The following ROBO2 variants were observed in gnomAD, a reference collection of about 807,000 sequenced individuals.
ROBO2 encodes roundabout homolog 2.
A neutral mutation model predicts 160.8 loss-of-function variants in ROBO2; 53 were observed. The observed-to-expected ratio is 0.33, with a 90% confidence interval of 0.26 to 0.41. The LOEUF is 0.41. Among genes scored for constraint, ROBO2 ranks in the 10% least tolerant of loss-of-function variants. The pLI, the probability that ROBO2 is intolerant of heterozygous loss-of-function variation, is 1.00. For missense variants in ROBO2, 1,577 were observed against 1,722.4 expected (o/e 0.92, Z 1.49); for synonymous variants, 664 against 611.7 (o/e 1.09, Z -1.26).
chr3:77,204,718 T>C (rs1268178542), intron 2 of ROBO2, among the ~76,000 whole-genome samples: 1 of 152,232 alleles, frequency 6.6e-6, no homozygotes, highest in African/African-American at 2.4e-5. Flanking sequence ...AATTTAGTGT[T>C]TTCTCTCGAA....
intron 2 of ROBO2, among the ~76,000 whole-genome samples, chr3:76,876,771 C>G (rs773173054): frequency 8.6e-5 from 13 of 151,852 alleles, no homozygotes; most frequent in East Asian, 7.7e-4. Flanking sequence ...AATTAATGCA[C>G]AAGTGTTTAA....
At chr3:77,042,973 G>A (rs767735924) in intron 1 of ROBO2, among the ~76,000 whole-genome samples, 4 of 152,202 alleles carry the variant, frequency 2.6e-5, no homozygotes, top group African/African-American at 4.8e-5. Context: ...AGCATCTGCT[G>A]TGTCAAAAGC....
chr3:76,755,840 G>C (rs1252818847), intron 2 of ROBO2, among the ~76,000 whole-genome samples: 1 of 151,510 alleles, frequency 6.6e-6, no homozygotes, highest in Admixed American at 6.6e-5. Context: ...GCCTTAGTTG[G>C]GTCTGCAGTC....
At position 76,230,385 on chromosome 3, in the gene ROBO2, A is replaced by C. The variant is rs1253692152; in HGVS notation, c.109+292783A>C. Among the ~76,000 whole-genome samples the C allele has an allele frequency of 2.2e-4, 33 of 152,048 alleles. 1 individual carries two copies. Among genetic ancestry groups the C allele is most frequent in the Admixed American group, 2.2e-3 (33 of 15,252 alleles). Reference sequence around the variant, plus strand: ...GGTTACTACTACATTTGTCCTTCCAAAGGCTAGGGATTCTCCATTAATTGT... The same window carrying C: ...GGTTACTACTACATTTGTCCTTCCACAGGCTAGGGATTCTCCATTAATTGT... On this transcript the variant is annotated intron_variant, in intron 2 of 26. Coordinates refer to the ROBO2 transcript ENST00000487694.
chr3:77,326,789 G>C (rs1456158465), intron 2 of ROBO2, among the ~76,000 whole-genome samples: 1 of 152,278 alleles, frequency 6.6e-6, no homozygotes, highest in South Asian at 2.1e-4. Context: ...CTTCTTCAGG[G>C]ATAAGAACTA....
intron 2 of ROBO2, among the ~76,000 whole-genome samples, chr3:76,324,047 G>C (rs546476097): frequency 6.6e-6 from 1 of 152,222 alleles, no homozygotes; most frequent in South Asian, 2.1e-4. Context: ...TCAATACAAT[G>C]ATCTATCATT....
intron 11 of ROBO2, among the ~76,000 whole-genome samples, chr3:77,563,847 T>A (rs1424731682): frequency 6.6e-6 from 1 of 152,164 alleles, no homozygotes; most frequent in Non-Finnish European, 1.5e-5. Context: ...TTATTCCATG[T>A]GCTTCTAGTT....
chr3:76,423,231 A>G (rs1395755032), intron 2 of ROBO2, among the ~76,000 whole-genome samples: 1 of 152,232 alleles, frequency 6.6e-6, no homozygotes, highest in Non-Finnish European at 1.5e-5. Flanking sequence ...AACAGAAGAG[A>G]GAGCAGATAA....
chr3:76,243,742 C>T (rs62268383), intron 2 of ROBO2, among the ~76,000 whole-genome samples: 18,842 of 152,092 alleles, frequency 0.12, 1,829 homozygotes, highest in East Asian at 0.41. Flanking sequence ...TTATATCTGC[C>T]CTCAATATTT....
At chr3:76,077,393 T>A (rs2068678262) in intron 2 of ROBO2, among the ~76,000 whole-genome samples, 1 of 152,036 alleles carries the variant, frequency 6.6e-6, no homozygotes, top group Non-Finnish European at 1.5e-5. Flanking sequence ...TGAAACCCCG[T>A]CTCTACTAAA....
chr3:76,472,360 A>C (rs2078710841), intron 2 of ROBO2, among the ~76,000 whole-genome samples: 1 of 152,182 alleles, frequency 6.6e-6, no homozygotes, highest in Admixed American at 6.5e-5. Flanking sequence ...AAGAAGTAGA[A>C]TTGAATAGTG....
At chr3:76,122,767 T>C (rs1330002404) in intron 2 of ROBO2, among the ~76,000 whole-genome samples, 1 of 152,160 alleles carries the variant, frequency 6.6e-6, no homozygotes, top group Non-Finnish European at 1.5e-5. Context: ...GTTGATACTG[T>C]AGCATGATGG....
At chr3:76,737,253 C>A (rs189084909) in intron 2 of ROBO2, among the ~76,000 whole-genome samples, 2 of 151,224 alleles carry the variant, frequency 1.3e-5, no homozygotes, top group Non-Finnish European at 2.9e-5. Context: ...AAGAAAGAGA[C>A]TTCTGTTATT....
intron 2 of ROBO2, among the ~76,000 whole-genome samples, chr3:77,235,310 A>T (rs968013441): frequency 5.9e-5 from 9 of 152,114 alleles, no homozygotes; most frequent in Admixed American, 2.6e-4. Flanking sequence ...GCAAGATTTC[A>T]TCCAGCTCTA....
At chr3:76,292,324 C>T (rs2107707402) in intron 2 of ROBO2, among the ~76,000 whole-genome samples, 1 of 152,270 alleles carries the variant, frequency 6.6e-6, no homozygotes, top group South Asian at 2.1e-4. Context: ...GTGCTACCTC[C>T]AACCACCTAC....
At chr3:76,511,125 G>T (rs1369652574) in intron 2 of ROBO2, among the ~76,000 whole-genome samples, 1 of 152,186 alleles carries the variant, frequency 6.6e-6, no homozygotes, top group East Asian at 1.9e-4. Context: ...GCCCCCGAAA[G>T]ACACTGAATG....
chr3:77,523,030 T>C, intron 6 of ROBO2, 128 bp downstream of exon 6: 1 of 1,019,642 alleles, frequency 9.8e-7, no homozygotes, highest in Non-Finnish European at 1.5e-6. Context: ...AGATTTTGTG[T>C]CCTCTCTATC....
intron 2 of ROBO2, among the ~76,000 whole-genome samples, chr3:76,225,834 A>C (rs1369329192): frequency 6.6e-6 from 1 of 152,222 alleles, no homozygotes; most frequent in East Asian, 1.9e-4. Flanking sequence ...CAGTTTTTTA[A>C]GCTTATACTT....
rs931756774 is a variant in ROBO2 at position 77,277,061 on chromosome 3, A to C, written c.388+178721A>C. On this transcript the variant is annotated intron_variant, in intron 2 of 25. Transcript: ENST00000461745. Reference sequence around the variant, plus strand: ...GACACAGTCAAACCATATCAGCAACATAGTGAAAACCTTGTATTTTAAAAA... The same window carrying C: ...GACACAGTCAAACCATATCAGCAACCTAGTGAAAACCTTGTATTTTAAAAA... Among the ~76,000 whole-genome samples, 4 of 152,168 alleles carry C rather than the reference A, an allele frequency of 2.6e-5. No homozygotes were observed. The East Asian group carries it at 7.7e-4, about 29-fold the overall frequency.
Sources: allele counts gnomAD v4.1 joint callset (sites outside exome capture counted in the v4.1 genomes callset), GRCh38; gene constraint gnomAD v4.1.1; transcripts MANE v1.5; gene names NCBI Gene and HGNC (gene_info 2026-07-23, HGNC 2026-07-21).